The following TMEM132D variants were observed in gnomAD, a reference collection of about 807,000 sequenced individuals.
The protein encoded by TMEM132D is transmembrane protein 132D, also known as mature OL transmembrane protein.
TMEM132D carries 21 observed loss-of-function variants against 62.3 expected under a neutral mutation model. The ratio of observed to expected loss-of-function variants is 0.34; its 90% CI spans 0.24 to 0.49. TMEM132D has a LOEUF of 0.49. Among genes scored for constraint, TMEM132D ranks in the 20% least tolerant of loss-of-function variants. The probability of loss-of-function intolerance (pLI) is 0.99; values close to 1 mark genes in which losing one functional copy is unlikely to be tolerated. For synonymous variants in TMEM132D, 621 were observed against 575.6 expected (o/e 1.08, Z -1.13); for missense variants, 1,346 against 1,402.8 (o/e 0.96, Z 0.65).
At chr12:129,585,436 G>C (rs910762276) in intron 2 of TMEM132D, among the ~76,000 whole-genome samples, 47 of 152,334 alleles carry the variant, frequency 3.1e-4, no homozygotes, top group African/African-American at 1.1e-3. Context: ...TTTGAAAGTG[G>C]AGCAGCCGCA....
At position 129,302,362 on chromosome 12, in the gene TMEM132D, G is replaced by A. The variant is rs185955021; in HGVS notation, c.1299+35272C>T. Reference sequence around the variant, plus strand: ...ACTCCTGACCTCAAGAGATCCAGCCGCCTCGGCCTCCCAAAGTTCTGGGAT... The same window carrying A: ...ACTCCTGACCTCAAGAGATCCAGCCACCTCGGCCTCCCAAAGTTCTGGGAT... On this transcript the variant is annotated intron_variant, in intron 4 of 8. Transcript: ENST00000422113. Among the ~76,000 whole-genome samples the A allele has an allele frequency of 3.9e-3, 594 of 152,334 alleles. 5 individuals carry two copies. The highest frequency in any genetic ancestry group is 6.8e-3 in the Middle Eastern group (2 of 294).
chr12:129,097,583 G>T (rs917533633), intron 5 of TMEM132D, among the ~76,000 whole-genome samples: 26 of 152,196 alleles, frequency 1.7e-4, no homozygotes, highest in Non-Finnish European at 2.9e-5. Flanking sequence ...AAGGGAAATG[G>T]CCTTAGGCCT....
intron 2 of TMEM132D, among the ~76,000 whole-genome samples, chr12:129,663,297 T>C (rs7968552): frequency 0.25 from 37,458 of 152,182 alleles, 5,110 homozygotes; most frequent in African/African-American, 0.36. Context: ...TGCCACCACG[T>C]CCAGCTAATT....
At chr12:129,442,794 A>G (rs1400075444) in intron 3 of TMEM132D, among the ~76,000 whole-genome samples, 1 of 152,080 alleles carries the variant, frequency 6.6e-6, no homozygotes, top group African/African-American at 2.4e-5. Flanking sequence ...AATACATCTC[A>G]TGGATGACCC....
In TMEM132D at chr12:129,700,440, G is replaced by C. The variant is rs776735949; in HGVS notation, c.338C>G (p.Pro113Arg). 1.4e-5 allele frequency: 22 copies of C among 1,614,156 alleles called. No homozygotes were observed. In the South Asian group the frequency reaches 2.2e-4, roughly 16 times the overall value. The change falls in exon 2 of 9, where the codon CCT (proline) becomes CGT (arginine). Residue 113 changes from proline to arginine, a missense_variant. Transcript: ENST00000422113. ...EQVVPQDLMLPSNPFGFTNKF... is the reference protein window; with the variant it reads ...EQVVPQDLMLRSNPFGFTNKF... ...GTTGGTGAATCCAAATGGGTTGGAA[G>C]GTAGCATTAAATCCTGGGGCACCAC...
At chr12:129,523,342 A>G (rs1022344833) in intron 3 of TMEM132D, among the ~76,000 whole-genome samples, 1 of 152,212 alleles carries the variant, frequency 6.6e-6, no homozygotes, top group African/African-American at 2.4e-5. Flanking sequence ...GACAGCAACC[A>G]AACATGAGCC....
At chr12:129,641,216 A>T (rs1286248993) in intron 2 of TMEM132D, among the ~76,000 whole-genome samples, 2 of 152,216 alleles carry the variant, frequency 1.3e-5, no homozygotes, top group Non-Finnish European at 2.9e-5. Context: ...GTCTGTTGCT[A>T]TGTAAGGCAC....
In TMEM132D at chr12:129,096,834, G is replaced by A. The variant is rs546388664; in HGVS notation, c.1444-12132C>T. On this transcript the variant is annotated intron_variant, in intron 5 of 8. Coordinates refer to ENST00000422113, the MANE Select transcript of TMEM132D (RefSeq NM_133448.3). ...GAAATTCAAATTCCCAGGAAGCTCT[G>A]TTATTTTTAAATGAAAACAGAACAT... Among the ~76,000 whole-genome samples the A allele has an allele frequency of 3.6e-4, 55 of 152,302 alleles. 1 individual carries two copies. Among genetic ancestry groups the A allele is most frequent in the African/African-American group, 1.1e-3 (46 of 41,558 alleles).
At chr12:129,611,411 G>T (rs752298989) in intron 2 of TMEM132D, among the ~76,000 whole-genome samples, 8 of 152,164 alleles carry the variant, frequency 5.3e-5, no homozygotes, top group Non-Finnish European at 8.8e-5. Flanking sequence ...ATTTTGAAAG[G>T]TTCTTCCTTT....
chr12:129,228,487 T>C (rs545866961), intron 4 of TMEM132D, among the ~76,000 whole-genome samples: 2 of 152,266 alleles, frequency 1.3e-5, no homozygotes, highest in Admixed American at 1.3e-4. Flanking sequence ...TTAAAAAAAA[T>C]CCTATGTCCT....
At chr12:129,840,969 A>G (rs1873172606) in intron 1 of TMEM132D, among the ~76,000 whole-genome samples, 1 of 152,246 alleles carries the variant, frequency 6.6e-6, no homozygotes, top group Non-Finnish European at 1.5e-5. Context: ...AAGAACAATC[A>G]TTAGCTGAGT....
At chr12:129,745,757 C>T (rs913250078) in intron 1 of TMEM132D, among the ~76,000 whole-genome samples, 4 of 152,220 alleles carry the variant, frequency 2.6e-5, no homozygotes, top group African/African-American at 9.6e-5. Context: ...GTACATTTAA[C>T]ATGATATTTG....
In TMEM132D at chr12:129,700,068, C is replaced by T. The variant is rs760557702; in HGVS notation, c.710G>A (p.Gly237Glu). 6.2e-6 allele frequency: 10 copies of T among 1,613,648 alleles called. No individual in the cohort carries two copies. Among genetic ancestry groups the T allele is most frequent in the Admixed American group, 3.3e-5 (2 of 60,006 alleles). ...CCTCGCGTCTTCCCTGACGCAGTCC[C>T]CTCTCTCACCCCCTGGGTGCACGGT... is the stretch of plus-strand genomic sequence containing the variant. ...YYTVHPGGER[G>E]DCVREDARRS... is the part of the protein sequence containing the mutation. Residue 237 changes from glycine to glutamate, a missense_variant, in exon 2 of 9, where the codon GGG becomes GAG. Coordinates refer to ENST00000422113, the MANE Select transcript of TMEM132D (RefSeq NM_133448.3).
At chr12:129,868,918 C>G (rs1011875646) in intron 1 of TMEM132D, among the ~76,000 whole-genome samples, 3 of 152,294 alleles carry the variant, frequency 2.0e-5, no homozygotes, top group South Asian at 2.1e-4. Context: ...AGAAAACCAG[C>G]TTCGCATAAC....
chr12:129,216,577 C>T (rs10847801), intron 4 of TMEM132D, among the ~76,000 whole-genome samples: 28,986 of 152,122 alleles, frequency 0.19, 3,330 homozygotes, highest in Middle Eastern at 0.29. Flanking sequence ...TTCCCTAGAG[C>T]CTCCAGAGGG....
chr12:129,566,543 C>T (rs896263250), intron 2 of TMEM132D, among the ~76,000 whole-genome samples: 3 of 152,174 alleles, frequency 2.0e-5, no homozygotes, highest in African/African-American at 7.2e-5. Context: ...AAAACAGACT[C>T]TTTGTAGCAA....
intron 5 of TMEM132D, 80 bp from the exon 6 acceptor site, chr12:129,084,782 A>T: frequency 7.0e-7 from 1 of 1,426,858 alleles, no homozygotes; most frequent in Non-Finnish European, 9.6e-7. Flanking sequence ...AGGAAAGGGA[A>T]GTGCCCTGGC....
At chr12:129,180,768 C>T (rs1878042417) in intron 5 of TMEM132D, among the ~76,000 whole-genome samples, 1 of 114,948 alleles carries the variant, frequency 8.7e-6, no homozygotes, top group Non-Finnish European at 2.0e-5. Flanking sequence ...TAACTCACTT[C>T]CCTTGTCTTC....
In TMEM132D at chr12:129,078,772, G is replaced by A. The variant is rs772235835; in HGVS notation, c.1924-47C>T. ...ACAAGGAAAGGCTTTCTGTGGTCCAGGCAATGCCTCCAGTCACAGGAGGAA... is the reference window on the plus strand; with the variant it reads ...ACAAGGAAAGGCTTTCTGTGGTCCAAGCAATGCCTCCAGTCACAGGAGGAA... On this transcript the variant is annotated intron_variant, in intron 7 of 8. Coordinates refer to ENST00000422113, the MANE Select transcript of TMEM132D (RefSeq NM_133448.3). The A allele has an allele frequency of 4.4e-6, 7 of 1,588,906 alleles. No individual in the cohort carries two copies. In the South Asian group the frequency reaches 6.7e-5, roughly 15 times the overall value.
Sources: gnomAD v4.1 joint callset for allele counts (sites outside exome capture counted in the v4.1 genomes callset) on GRCh38, gnomAD v4.1.1 for gene constraint, MANE v1.5 for transcripts, NCBI Gene and HGNC (gene_info 2026-07-23, HGNC 2026-07-21) for gene names.